MANSC1: variants seen among roughly 807,000 people sequenced by gnomAD.
MANSC1 encodes the protein MANSC domain containing 1, also known as MANSC domain-containing protein 1.
MANSC1 carries 13 observed loss-of-function variants against 14.1 expected under a neutral mutation model. The ratio of observed to expected loss-of-function variants is 0.92; its 90% confidence interval spans 0.60 to 1.46. The LOEUF (loss-of-function observed/expected upper bound fraction) is 1.46. MANSC1 is among the 40% of genes most tolerant of loss of function. MANSC1 has a pLI of 0.00. For synonymous variants in MANSC1, 227 were observed against 200.7 expected (o/e 1.13, Z -1.11); for missense variants, 486 against 511.4 (o/e 0.95, Z 0.48).
intron 3 of MANSC1, among the ~76,000 whole-genome samples, chr12:12,332,041 A>G (rs1862797995): frequency 6.6e-6 from 1 of 152,012 alleles, no homozygotes; most frequent in South Asian, 2.1e-4. Flanking sequence ...GAAGCTTAGA[A>G]TTTTTCTCCT....
At position 12,338,452 on chromosome 12, in the gene MANSC1, G is replaced by C. The variant is rs1468247906; in HGVS notation, c.332C>G (p.Ala111Gly). The part of the protein sequence containing the change: ...PNEEACPLKP[A>G]KGLMSYRIIT... ...TATCCTGTAACTCATAAGTCCTTTT[G>C]CTGGTTTCAATGGACAGGCTTCCTC... Residue 111 changes from alanine (A) to glycine (G), a missense_variant, in exon 3 of 4, where the codon GCA becomes GGA. Physicochemically the swap from Ala to Gly is moderately conservative, Grantham distance 60. Transcript: ENST00000535902. 2 of 1,608,030 alleles carry C rather than the reference G, an allele frequency of 1.2e-6. No individual in the cohort carries two copies. Among genetic ancestry groups the C allele is most frequent in the Admixed American group, 3.5e-5 (2 of 57,548 alleles).
chr12:12,347,811 C>A lies in MANSC1; in HGVS notation c.-101+2267G>T, dbSNP rs528504927. On this transcript the variant is annotated intron_variant, in intron 1 of 3. Coordinates refer to ENST00000535902, the MANE Select transcript of MANSC1 (RefSeq NM_018050.4). ...CGGTGGCTCACATCTGTAATCCCAGCACTTTGGGAGGCCAAGGTGGGCAGA... is the reference window on the plus strand; with the variant it reads ...CGGTGGCTCACATCTGTAATCCCAGAACTTTGGGAGGCCAAGGTGGGCAGA... Among the ~76,000 whole-genome samples, 287 of 152,342 alleles carry A rather than the reference C, an allele frequency of 1.9e-3. 1 individual carries two copies. The highest frequency in any genetic ancestry group is 6.8e-3 in the Middle Eastern group (2 of 294).
At position 12,330,732 on chromosome 12, in the gene MANSC1, A is replaced by G. The variant is rs1437821051; in HGVS notation, c.591T>C (p.Ala197=). The G allele has an allele frequency of 1.9e-6, 3 of 1,614,086 alleles. No individual in the cohort carries two copies. In the African/African-American group the frequency reaches 4.0e-5, roughly 22 times the overall value. The stretch of plus-strand genomic sequence containing the variant: ...TCTGAGAATGGCCTTTTTCCTTATA[A>G]GCAAGGAGCTGGGCACTTGCTTCAT... The part of the protein sequence containing the change: ...KMDEASAQLL[A]YKEKGHSQSS... Residue 197 remains alanine (A), a synonymous_variant, in exon 4 of 4, where the codon GCT becomes GCC. Coordinates refer to ENST00000535902, the MANE Select transcript of MANSC1 (RefSeq NM_018050.4).
At chr12:12,346,259 A>G (rs1863009016) in intron 1 of MANSC1, among the ~76,000 whole-genome samples, 1 of 150,770 alleles carries the variant, frequency 6.6e-6, no homozygotes, top group Non-Finnish European at 1.5e-5. Flanking sequence ...CGACAGAGCG[A>G]GACTCCGTCT....
Position 12,330,685 on chromosome 12 carries a change from T to C in MANSC1, c.638A>G (p.Gln213Arg), listed in dbSNP as rs1862775048. The C allele has an allele frequency of 1.2e-6, 2 of 1,614,240 alleles. No individual in the cohort carries two copies. Among genetic ancestry groups the C allele is most frequent in the South Asian group, 1.1e-5 (1 of 91,088 alleles). Reference sequence around the variant, plus strand: ...TTCAGGCAGCAGATGAGCTATTTCTTGATCAGAGGAAAATTGTGAACTCTG... The same window carrying C: ...TTCAGGCAGCAGATGAGCTATTTCTCGATCAGAGGAAAATTGTGAACTCTG... ...HSQSSQFSSDQEIAHLLPENV... is the reference protein window; with the variant it reads ...HSQSSQFSSDREIAHLLPENV... The change falls in exon 4 of 4, where the codon CAA (glutamine) becomes CGA (arginine). Residue 213 changes from glutamine to arginine, a missense_variant. Physicochemically the swap from Gln to Arg is conservative, Grantham distance 43. Transcript: ENST00000535902.
intron 3 of MANSC1, 88 bp downstream of exon 3, chr12:12,338,332 T>C (rs1350480912): frequency 1.6e-6 from 2 of 1,252,198 alleles, no homozygotes; most frequent in Admixed American, 5.5e-5. Flanking sequence ...TTCTGGTAGT[T>C]TTATTTAGAC....
intron 3 of MANSC1, among the ~76,000 whole-genome samples, chr12:12,337,539 C>T (rs577929530): frequency 6.6e-6 from 1 of 152,308 alleles, no homozygotes; most frequent in East Asian, 1.9e-4. Flanking sequence ...CCATCCTGGG[C>T]AACAGAGTGA....
chr12:12,345,817 G>A (rs1863002523), intron 1 of MANSC1, among the ~76,000 whole-genome samples: 1 of 152,140 alleles, frequency 6.6e-6, no homozygotes, highest in Admixed American at 6.6e-5. Context: ...GCATAAAATG[G>A]AATATGTAGG....
chr12:12,346,098 C>T (rs530064767), intron 1 of MANSC1, among the ~76,000 whole-genome samples: 5 of 152,242 alleles, frequency 3.3e-5, no homozygotes, highest in Non-Finnish European at 5.9e-5. Context: ...ACGGTGAAAC[C>T]CCGTCTCTAC....
At chr12:12,344,918 T>TAC (rs1862987491) in intron 1 of MANSC1, among the ~76,000 whole-genome samples, 1 of 11,020 alleles carries the variant, frequency 9.1e-5, no homozygotes, top group Non-Finnish European at 1.8e-4. Flanking sequence ...TAAACTCCCA[T>TAC]ATATATATAT....
intron 3 of MANSC1, 25 bp from the exon 4 acceptor site, chr12:12,330,983 G>A: frequency 2.8e-6 from 4 of 1,420,676 alleles, no homozygotes; most frequent in Non-Finnish European, 3.9e-6. Context: ...AAAATAAAAG[G>A]AAGGCTTATG....
intron 3 of MANSC1, among the ~76,000 whole-genome samples, chr12:12,332,256 C>A (rs955462515): frequency 6.6e-6 from 1 of 152,186 alleles, no homozygotes; most frequent in African/African-American, 2.4e-5. Context: ...TTTCCTTTTT[C>A]TTCCTCAATT....
In MANSC1 at chr12:12,330,191, CG is replaced by C; in HGVS notation, c.1131del (p.Tyr377Ter). 6.2e-7 allele frequency: 1 copy of C among 1,614,142 alleles called. No homozygotes were observed. ...AGAAGCCATTTTTCAAATGGAAGGC[CG>C]TACTGATTTTCTGGAACACTGCCCT... is the stretch of plus-strand genomic sequence containing the variant. ...SSQGSVPENQYGLPFEKWLLI... is the reference protein window; with the variant it reads ...SSQGSVPENQXGLPFEKWLLI... On this transcript the variant is annotated frameshift_variant, in exon 4 of 4. Transcript: ENST00000535902. LOFTEE classifies it high-confidence loss of function.
intron 1 of MANSC1, among the ~76,000 whole-genome samples, chr12:12,347,525 A>G (rs1210859650): frequency 2.0e-5 from 3 of 152,356 alleles, no homozygotes; most frequent in African/African-American, 7.2e-5. Context: ...GTGATAAAGG[A>G]CTGGTATCCA....
intron 1 of MANSC1, 66 bp from the exon 2 acceptor site, chr12:12,343,480 C>T: frequency 1.7e-6 from 1 of 578,232 alleles, no homozygotes; most frequent in South Asian, 2.2e-5. Context: ...AGAAACATTT[C>T]ATTTCCTTAA....
chr12:12,338,063 A>T (rs1044911556), intron 3 of MANSC1, among the ~76,000 whole-genome samples: 1 of 152,194 alleles, frequency 6.6e-6, no homozygotes, highest in Non-Finnish European at 1.5e-5. Flanking sequence ...ATATACTAGA[A>T]CTTTCTATAT....
rs149039190 is a variant in MANSC1 at position 12,335,730 on chromosome 12, T to A, written c.364+2690A>T. On this transcript the variant is annotated intron_variant, in intron 3 of 3. Coordinates refer to ENST00000535902, the MANE Select transcript of MANSC1 (RefSeq NM_018050.4). ...GGTGATGCTTGCCTGTAGTCCCAGC[T>A]ACTCAGGAGGCTGAGGCAGGAGAAT... is the stretch of plus-strand genomic sequence containing the variant. 1.6e-3 allele frequency among the ~76,000 whole-genome samples: 240 copies of A among 151,264 alleles called. 3 individuals carry two copies. Among genetic ancestry groups the A allele is most frequent in the African/African-American group, 5.6e-3 (231 of 41,220 alleles).
rs372252966 is a variant in MANSC1 at position 12,330,824 on chromosome 12, A to T, written c.499T>A (p.Ser167Thr). 3.0e-5 allele frequency: 49 copies of T among 1,614,056 alleles called. No homozygotes were observed. In the African/African-American group the frequency reaches 4.9e-4, roughly 16 times the overall value. Residue 167 changes from serine to threonine, a missense_variant, in exon 4 of 4, where the codon TCA becomes ACA. Transcript: ENST00000535902. The part of the protein sequence containing the change: ...HTDYSKPTDI[S>T]WRDTLSQKFG... ...TTCTGAGAAAGTGTGTCTCTCCATGAGATATCGGTGGGCTTTGAATAATCT... is the reference window on the plus strand; with the variant it reads ...TTCTGAGAAAGTGTGTCTCTCCATGTGATATCGGTGGGCTTTGAATAATCT...
intron 3 of MANSC1, among the ~76,000 whole-genome samples, chr12:12,334,123 G>A (rs1041394304): frequency 1.3e-5 from 2 of 151,974 alleles, no homozygotes; most frequent in Non-Finnish European, 2.9e-5. Flanking sequence ...GCATGGTGGT[G>A]CATTATCTGT....
Sources: allele counts gnomAD v4.1 joint callset (sites outside exome capture counted in the v4.1 genomes callset), GRCh38; gene constraint gnomAD v4.1.1; transcripts MANE v1.5; gene names NCBI Gene and HGNC (gene_info 2026-07-23, HGNC 2026-07-21).